The following PIK3R2 variants were observed in gnomAD, a reference collection of about 807,000 sequenced individuals.
PIK3R2 encodes the protein phosphoinositide-3-kinase regulatory subunit 2.
A neutral mutation model predicts 78.5 loss-of-function variants in PIK3R2; 40 were observed. The observed-to-expected ratio is 0.51, with a 90% CI of 0.40 to 0.66. The LOEUF (loss-of-function observed/expected upper bound fraction) is 0.66. Among genes scored for constraint, PIK3R2 ranks in the 30% least tolerant of loss-of-function variants. The pLI, the probability that PIK3R2 is intolerant of heterozygous loss-of-function variation, is 0.00. For missense variants in PIK3R2, 880 were observed against 1,026.6 expected (o/e 0.86, Z 1.95); for synonymous variants, 473 against 457.7 (o/e 1.03, Z -0.43).
chr19:18,163,237 C>A (rs774761392), intron 10 of PIK3R2, 26 bp from the exon 11 acceptor site: 1 of 1,614,096 alleles, frequency 6.2e-7, no homozygotes, highest in Admixed American at 1.7e-5. Context: ...CTATGCATCT[C>A]CCCTCATTCC....
Position 18,161,921 on chromosome 19 carries a change from G to A in PIK3R2, c.816-45G>A, listed in dbSNP as rs780658996. ...CACAATCCTGTGCACATGCGTGGGC[G>A]GACAGGCCCTACCCAGCCCTCACCA... On this transcript the variant is annotated intron_variant, in intron 6 of 15. Transcript: ENST00000222254. This position sits in a 1 kb window ranked among gnomAD's most constrained non-coding sequence, Gnocchi z 5.3. 1.3e-6 allele frequency: 2 copies of A among 1,514,336 alleles called. No homozygotes were observed. The highest frequency in any genetic ancestry group is 1.4e-5 in the African/African-American group (1 of 73,066). The allele number at this position is 1,514,336 out of a possible 1,614,324, so 93.8% of individuals were successfully genotyped here.
intron 9 of PIK3R2, 105 bp downstream of exon 9, chr19:18,162,611 CGGT>C (rs914465237): frequency 2.1e-6 from 2 of 931,252 alleles, no homozygotes; most frequent in Non-Finnish European, 1.7e-6. Context: ...GGGCCAGGCA[CGGT>C]GGCTTACACC....
In PIK3R2 at chr19:18,156,343, G is replaced by C; in HGVS notation, c.322+142G>C. ...ATTTGACAAGTGTCTTCAGTGCTAGGCTCAGCAGTGGACACAAGGCCTGTT... is the reference window on the plus strand; with the variant it reads ...ATTTGACAAGTGTCTTCAGTGCTAGCCTCAGCAGTGGACACAAGGCCTGTT... On this transcript the variant is annotated intron_variant, in intron 2 of 15. Coordinates refer to ENST00000222254, the MANE Select transcript of PIK3R2 (RefSeq NM_005027.4). This position sits in a 1 kb window ranked among gnomAD's most constrained non-coding sequence, Gnocchi z 4.2. 1.5e-6 allele frequency: 1 copy of C among 651,744 alleles called. No individual in the cohort carries two copies. The allele number at this position is 651,744 out of a possible 1,614,324, so 40.4% of individuals were successfully genotyped here. A position where few individuals can be genotyped will look rare whatever the true frequency, so the allele number is the denominator to read the frequency against.
At position 18,155,889 on chromosome 19, in the gene PIK3R2, C is replaced by T. The variant is rs142933317; in HGVS notation, c.10C>T (p.Pro4Ser). The change falls in exon 2 of 16, where the codon CCT becomes TCT. Residue 4 changes from proline to serine, a missense_variant. Coordinates refer to ENST00000222254, the MANE Select transcript of PIK3R2 (RefSeq NM_005027.4). ...CCCCACTCACGCGGCCATGGCGGGC[C>T]CTGAGGGCTTCCAGTACCGCGCTCT... MAG[P>S]EGFQYRALYP... 1.0e-3 allele frequency: 1,594 copies of T among 1,552,084 alleles called. 22 individuals are homozygous for T. The East Asian group carries it at 0.033, about 32-fold the overall frequency.
In PIK3R2 at chr19:18,163,123, C is replaced by G. The variant is rs2043769568; in HGVS notation, c.1266C>G (p.Leu422=). The G allele has an allele frequency of 4.3e-6, 7 of 1,613,926 alleles. No individual in the cohort carries two copies. In the Admixed American group the frequency reaches 1.2e-4, roughly 27 times the overall value. ...ATGCCAAGCTGGACACACGGCTCCT[C>G]TACCCTGTGTCCAAATACCAGCAGG... ...QYNAKLDTRL[L]YPVSKYQQDQ... The change falls in exon 10 of 16, where the codon CTC becomes CTG. Residue 422 remains leucine (L), a synonymous_variant. Coordinates refer to ENST00000222254, the MANE Select transcript of PIK3R2 (RefSeq NM_005027.4).
In PIK3R2 at chr19:18,159,144, C is replaced by CT. The variant is rs57543686; in HGVS notation, c.323-1308dup. Among the ~76,000 whole-genome samples, 26 of 50,054 alleles carry CT rather than the reference C, an allele frequency of 5.2e-4. 2 individuals carry two copies. The highest frequency in any genetic ancestry group is 3.4e-3 in the Admixed American group (10 of 2,900). 32.8% of individuals were successfully genotyped at this position (50,054 alleles called of 152,430 possible). On this transcript the variant is annotated intron_variant, in intron 2 of 15. Transcript: ENST00000222254. Reference sequence around the variant, plus strand: ...GGAGTGAGCCACTGCGCCTGGCCTCCTTTTTTTTTTTTTTTTTTTAAATTA... The same window carrying CT: ...GGAGTGAGCCACTGCGCCTGGCCTCCTTTTTTTTTTTTTTTTTTTTAAATTA...
At chr19:18,158,490 C>A (rs1283588574) in intron 2 of PIK3R2, among the ~76,000 whole-genome samples, 22 of 139,780 alleles carry the variant, frequency 1.6e-4, no homozygotes, top group East Asian at 4.2e-4. Flanking sequence ...GACTCCATCT[C>A]AAAAAAACAA....
intron 12 of PIK3R2, among the ~76,000 whole-genome samples, chr19:18,166,658 C>T (rs1340830509): frequency 1.4e-5 from 2 of 143,882 alleles, no homozygotes; most frequent in Non-Finnish European, 3.0e-5. Context: ...TGCAGTGAGC[C>T]GAGATTGCAC....
At chr19:18,162,894 A>G (rs2043765776) in intron 9 of PIK3R2, 73 bp from the exon 10 acceptor site, 5 of 1,429,974 alleles carry the variant, frequency 3.5e-6, no homozygotes, top group Admixed American at 1.9e-5. Flanking sequence ...CTCTGTCTCA[A>G]AAAAAAAGGG....
chr19:18,156,433 T>C lies in PIK3R2; in HGVS notation c.322+232T>C, dbSNP rs374161121. Among the ~76,000 whole-genome samples the C allele has an allele frequency of 7.2e-5, 11 of 151,898 alleles. No individual in the cohort carries two copies. The highest frequency in any genetic ancestry group is 1.2e-4 in the Non-Finnish European group (8 of 67,974). On this transcript the variant is annotated intron_variant, in intron 2 of 15. Transcript: ENST00000222254. This position sits in a 1 kb window ranked among gnomAD's most constrained non-coding sequence, Gnocchi z 4.2. ...TGGGTTCAGGAGGTGACACATGCCA[T>C]GAGGAAGGGGGCTTGCGTGGGAAGA...
At chr19:18,159,544 C>G (rs1354503184) in intron 2 of PIK3R2, among the ~76,000 whole-genome samples, 1 of 151,896 alleles carries the variant, frequency 6.6e-6, no homozygotes, top group Non-Finnish European at 1.5e-5. Flanking sequence ...TGGGTTCAAG[C>G]AATTCCTGCC....
rs2147953267 is a variant in PIK3R2, at chr19:18,163,102, C to G, written c.1245C>G (p.Ala415=). ...ACGAGTCTCTGGCCCAGTACAATGC[C>G]AAGCTGGACACACGGCTCCTCTACC... The part of the protein sequence containing the change: ...YRHESLAQYN[A]KLDTRLLYPV... Residue 415 remains alanine (A), a synonymous_variant, in exon 10 of 16, where the codon GCC becomes GCG. Transcript: ENST00000222254. 1.2e-6 allele frequency: 2 copies of G among 1,613,956 alleles called. No individual in the cohort carries two copies. Among genetic ancestry groups the G allele is most frequent in the Non-Finnish European group, 1.7e-6 (2 of 1,180,004 alleles).
At position 18,167,119 on chromosome 19, in the gene PIK3R2, C is replaced by G; in HGVS notation, c.1560-11C>G. The G allele has an allele frequency of 6.4e-7, 1 of 1,561,948 alleles. No individual in the cohort carries two copies. The highest frequency in any genetic ancestry group is 1.9e-5 in the Admixed American group (1 of 53,056). ...CCCTGAGGTCTCTGCGCCACCCCACCCCTCCCACAGGATCCTGCTGAACTC... is the reference window on the plus strand; with the variant it reads ...CCCTGAGGTCTCTGCGCCACCCCACGCCTCCCACAGGATCCTGCTGAACTC... On this transcript the variant is annotated splice_polypyrimidine_tract_variant and intron_variant, in intron 12 of 15. Coordinates refer to ENST00000222254, the MANE Select transcript of PIK3R2 (RefSeq NM_005027.4). The surrounding 1 kb of genome is among the most constrained non-coding windows in gnomAD (Gnocchi z 4.5).
chr19:18,162,939 G>A, intron 9 of PIK3R2, 28 bp from the exon 10 acceptor site: 2 of 1,606,550 alleles, frequency 1.2e-6, no homozygotes. Flanking sequence ...GGGTCCCACT[G>A]GGTGCCGACA....
In PIK3R2 at chr19:18,162,562, G is replaced by A. The variant is rs534355014; in HGVS notation, c.1109+56G>A. The A allele has an allele frequency of 3.3e-5, 48 of 1,435,666 alleles. No homozygotes were observed. In the African/African-American group the frequency reaches 6.4e-4, roughly 19 times the overall value. The allele number at this position is 1,435,666 out of a possible 1,614,324, so 88.9% of individuals were successfully genotyped here. ...GGGTCACAGGTCACAGAGACCGGGA[G>A]TTCAGAGGGGATAGAACATGTGCGG... On this transcript the variant is annotated intron_variant, in intron 9 of 15. Coordinates refer to ENST00000222254, the MANE Select transcript of PIK3R2 (RefSeq NM_005027.4).
At chr19:18,165,166 A>C (rs12984330) in intron 11 of PIK3R2, among the ~76,000 whole-genome samples, 74,055 of 150,792 alleles carry the variant, frequency 0.49, 18,831 homozygotes, top group East Asian at 0.74. Flanking sequence ...TAAGGAGTTC[A>C]AGACCAGTCT....
chr19:18,163,828 C>CAAAT (rs750165872), intron 11 of PIK3R2, among the ~76,000 whole-genome samples: 2 of 144,386 alleles, frequency 1.4e-5, no homozygotes, highest in African/African-American at 5.2e-5. Context: ...TCTCTAAAAA[C>CAAAT]AGAAATAAGC....
intron 3 of PIK3R2, 106 bp from the exon 4 acceptor site, chr19:18,160,813 C>G: frequency 1.6e-6 from 2 of 1,268,004 alleles, no homozygotes; most frequent in Non-Finnish European, 2.2e-6. Flanking sequence ...ATGCCCTTAT[C>G]TCTGGGCAGC....
chr19:18,161,238 G>C lies in PIK3R2; in HGVS notation c.599-41G>C. ...GGAGGGGGCTGTAGCGGGTGGGAGGGCCCAGGCCTGGCTCACCCTGCCCTG... is the reference window on the plus strand; with the variant it reads ...GGAGGGGGCTGTAGCGGGTGGGAGGCCCCAGGCCTGGCTCACCCTGCCCTG... On this transcript the variant is annotated intron_variant, in intron 5 of 15. Transcript: ENST00000222254. The surrounding 1 kb of genome is among the most constrained non-coding windows in gnomAD (Gnocchi z 5.3). 6.7e-7 allele frequency: 1 copy of C among 1,500,666 alleles called. No individual in the cohort carries two copies. The highest frequency in any genetic ancestry group is 1.4e-5 in the African/African-American group (1 of 71,982). The allele number at this position is 1,500,666 out of a possible 1,614,324, so 93.0% of individuals were successfully genotyped here.
Sources: gnomAD v4.1 joint callset for allele counts (sites outside exome capture counted in the v4.1 genomes callset) on GRCh38, gnomAD v4.1.1 for gene constraint, Gnocchi (gnomAD v3.1) non-coding constraint, MANE v1.5 for transcripts, NCBI Gene and HGNC (gene_info 2026-07-23, HGNC 2026-07-21) for gene names.